DRICH1: variants seen among roughly 807,000 people sequenced by gnomAD.
DRICH1 encodes aspartate-rich protein 1.
Under a neutral mutation model 39.5 loss-of-function variants are expected in DRICH1, and 38 were observed. The ratio of observed to expected loss-of-function variants is 0.96; its 90% CI spans 0.74 to 1.26. The LOEUF is 1.26. Among genes scored for constraint, DRICH1 ranks in the 50% most tolerant of loss-of-function variants. DRICH1 has a pLI of 0.00. For missense variants in DRICH1, 279 were observed against 270.4 expected (o/e 1.03, Z -0.22); for synonymous variants, 84 against 99.5 (o/e 0.84, Z 0.93).
chr22:23,616,910 G>C, intron 7 of DRICH1, 36 bp from the exon 8 acceptor site: 1 of 1,611,908 alleles, frequency 6.2e-7, no homozygotes, highest in Non-Finnish European at 8.5e-7. Context: ...GTAAGGATCA[G>C]ATCAATTCTG....
intron 1 of DRICH1, among the ~76,000 whole-genome samples, chr22:23,629,201 A>G (rs1270518182): frequency 6.6e-6 from 1 of 151,380 alleles, no homozygotes; most frequent in Non-Finnish European, 1.5e-5. Context: ...ACCACATCCA[A>G]CTCATTTTTA....
chr22:23,632,729 T>C (rs961269546), upstream of DRICH1: 1 of 151,620 alleles, frequency 6.6e-6, no homozygotes, highest in Non-Finnish European at 1.5e-5. Context: ...CTGGCCAACA[T>C]GGTGAAAACT....
intron 11 of DRICH1, among the ~76,000 whole-genome samples, chr22:23,611,559 T>G (rs549730713): frequency 2.0e-5 from 3 of 152,070 alleles, no homozygotes; most frequent in Admixed American, 6.6e-5. Context: ...ACCCAGCTAA[T>G]GTTTTGTATT....
Position 23,632,044 on chromosome 22 carries a change from C to T in DRICH1, c.-21G>A. On this transcript the variant is annotated 5_prime_UTR_variant, in exon 1 of 12. Transcript: ENST00000317749. ...CCCATGGGGCCTCTCCATGCCTCTC[C>T]ACTCCTGCCTCAGCCTTCAGCGAAA... is the stretch of plus-strand genomic sequence containing the variant. 6.2e-7 allele frequency: 1 copy of T among 1,611,978 alleles called. No individual in the cohort carries two copies. Among genetic ancestry groups the T allele is most frequent in the Non-Finnish European group, 8.5e-7 (1 of 1,179,556 alleles).
At chr22:23,606,999 G>A (rs901232052), downstream of DRICH1, 18 of 152,898 alleles carry the variant, frequency 1.2e-4, no homozygotes, top group African/African-American at 4.1e-4. Context: ...GCATGGGAGG[G>A]GGTGTGGCCG....
rs532804712 is a variant in DRICH1 at position 23,620,604 on chromosome 22, T to A, written c.396A>T (p.Ser132=). ...GTTCAAGGTACATACCCTGGACACGTGACGGTAAAATCTGCAACGAGACAA... is the reference window on the plus strand; with the variant it reads ...GTTCAAGGTACATACCCTGGACACGAGACGGTAAAATCTGCAACGAGACAA... The part of the protein sequence containing the change: ...DDDDDAQILP[S]RVQGGCYRFD... The change falls in exon 5 of 12, where the codon TCA becomes TCT. Residue 132 remains serine, a synonymous_variant. Transcript: ENST00000317749. 2.5e-6 allele frequency: 4 copies of A among 1,613,914 alleles called. No individual in the cohort carries two copies. The highest frequency in any genetic ancestry group is 3.4e-6 in the Non-Finnish European group (4 of 1,179,898).
the DRICH1 span, among the ~76,000 whole-genome samples, chr22:23,581,851 G>A: frequency 6.6e-6 from 1 of 151,786 alleles, no homozygotes; most frequent in African/African-American, 2.4e-5. Context: ...TGATCCACCC[G>A]CCTGGGCCTC....
At chr22:23,596,235 C>T in the DRICH1 span, among the ~76,000 whole-genome samples, 1 of 152,130 alleles carries the variant, frequency 6.6e-6, no homozygotes, top group Non-Finnish European at 1.5e-5. Context: ...CCGGGTCCAA[C>T]CTCAGGGGTG....
chr22:23,616,774 A>T (rs1257160126), intron 8 of DRICH1, 79 bp downstream of exon 8: 6 of 1,557,368 alleles, frequency 3.9e-6, no homozygotes, highest in Non-Finnish European at 5.3e-6. Flanking sequence ...ATTTTTTAAC[A>T]GGAACCCAGA....
intron 4 of DRICH1, 125 bp downstream of exon 4, chr22:23,621,942 AAAAGAAAAAAGAAACAAAGAAAGG>A (rs1927763566): frequency 1.3e-6 from 1 of 771,838 alleles, no homozygotes; most frequent in South Asian, 1.8e-5. Flanking sequence ...AAAAGAAAAG[AAAAGAAAAAAGAAACAAAGAAAGG>A]AAAGAAAATC....
chr22:23,603,345 G>A, the DRICH1 span, among the ~76,000 whole-genome samples: 2 of 150,294 alleles, frequency 1.3e-5, no homozygotes, highest in Non-Finnish European at 3.0e-5. Flanking sequence ...AGCAATCTGG[G>A]CCCCTGGGTG....
upstream of DRICH1, chr22:23,632,783 G>C (rs1921040089): frequency 6.6e-6 from 1 of 151,972 alleles, no homozygotes; most frequent in East Asian, 1.9e-4. Context: ...CCTGGTGGCG[G>C]GCACCTGCAA....
chr22:23,591,346 G>A, the DRICH1 span, among the ~76,000 whole-genome samples: 16 of 152,308 alleles, frequency 1.1e-4, no homozygotes, highest in African/African-American at 3.8e-4. Flanking sequence ...GACTGCACTG[G>A]AGCTTCAGAC....
the DRICH1 span, among the ~76,000 whole-genome samples, chr22:23,592,658 C>T: frequency 2.0e-5 from 3 of 152,066 alleles, no homozygotes; most frequent in Admixed American, 6.6e-5. Context: ...TATTGGGCAC[C>T]TCTGGGGCGG....
intron 8 of DRICH1, 66 bp from the exon 9 acceptor site, chr22:23,614,280 T>C: frequency 8.9e-7 from 1 of 1,129,724 alleles, no homozygotes; most frequent in Non-Finnish European, 1.4e-6. Flanking sequence ...TCGGGGAGCT[T>C]TGCTGGATGT....
chr22:23,624,843 AGTTTGTTT>A (rs774687486), intron 3 of DRICH1, 32 bp downstream of exon 3: 6 of 1,604,226 alleles, frequency 3.7e-6, no homozygotes, highest in South Asian at 1.1e-5. Context: ...AAAGCTAGCA[AGTTTGTTT>A]CTCAGAAAGT....
Position 23,626,034 on chromosome 22 carries a change from G to A in DRICH1, c.223C>T (p.Arg75Cys), listed in dbSNP as rs371978440. 1.9e-5 allele frequency: 31 copies of A among 1,612,448 alleles called. No homozygotes were observed. The African/African-American group carries it at 2.4e-4, about 13-fold the overall frequency. The stretch of plus-strand genomic sequence containing the variant: ...GATGGCAGAAATTTTAAACTCAGGC[G>A]GTCCTCAGGGGGACCTAAAAGGACA... ...QKMPTGPPED[R>C]LSLKFLPSSE... Residue 75 changes from arginine to cysteine, a missense_variant, in exon 2 of 12, where the codon CGC (arginine) becomes TGC (cysteine). Coordinates refer to ENST00000317749, the MANE Select transcript of DRICH1 (RefSeq NM_016449.4).
chr22:23,613,578 T>G (rs17627963), intron 10 of DRICH1, 61 bp downstream of exon 10: 61,356 of 1,332,322 alleles, frequency 0.046, 1,768 homozygotes, highest in East Asian at 0.11. Flanking sequence ...GAATCAGGTT[T>G]CTATACACTG....
the DRICH1 span, among the ~76,000 whole-genome samples, chr22:23,582,400 T>A: frequency 3.3e-5 from 5 of 151,042 alleles, no homozygotes; most frequent in Non-Finnish European, 5.9e-5. Context: ...CAACTTCCCA[T>A]TCCTCCCTCC....
Sources: allele counts gnomAD v4.1 joint callset (sites outside exome capture counted in the v4.1 genomes callset), GRCh38; gene constraint gnomAD v4.1.1; transcripts MANE v1.5; gene names NCBI Gene and HGNC (gene_info 2026-07-23, HGNC 2026-07-21).